The following PLG variants were observed in gnomAD, a reference collection of about 807,000 sequenced individuals.
The protein encoded by PLG is plasmin.
Under a neutral mutation model 104.4 loss-of-function variants are expected in PLG, and 41 were observed. That is an observed-to-expected ratio of 0.39 (90% CI 0.31 to 0.51). PLG has a LOEUF of 0.51. PLG is among the 20% of genes least tolerant of loss of function. The pLI, the probability that PLG is intolerant of heterozygous loss-of-function variation, is 0.76. For missense variants in PLG, 891 were observed against 1,003.6 expected (o/e 0.89, Z 1.52); for synonymous variants, 337 against 357.1 (o/e 0.94, Z 0.63).
chr6:160,730,723 ACCTGTTATT>A lies in PLG; in HGVS notation c.1257-323_1257-315del, dbSNP rs543993532. 7.0e-4 allele frequency: 204 copies of A among 292,052 alleles called. 2 individuals carry two copies. In the East Asian group the frequency reaches 0.015, roughly 21 times the overall value. 18.1% of individuals were successfully genotyped at this position (292,052 alleles called of 1,614,324 possible). A position where few individuals can be genotyped will look rare whatever the true frequency, so the allele number is the denominator to read the frequency against. ...ATAAAATATGCACTTTAAAATCTGT[ACCTGTTATT>A]CCTGAGAAATGTATTTGGCAGAAGG... On this transcript the variant is annotated intron_variant, in intron 10 of 18. Transcript: ENST00000308192.
Position 160,732,120 on chromosome 6 carries a change from G to T in PLG, c.1587+227G>T, listed in dbSNP as rs954744213. Among the ~76,000 whole-genome samples, 3 of 152,148 alleles carry T rather than the reference G, an allele frequency of 2.0e-5. No homozygotes were observed. Among genetic ancestry groups the T allele is most frequent in the African/African-American group, 7.2e-5 (3 of 41,422 alleles). ...CCAGGAAACCTCCACACATGTGAGG[G>T]TTCTCAGGCCTCTTCCCTTTAGTGA... is the stretch of plus-strand genomic sequence containing the variant. On this transcript the variant is annotated intron_variant, in intron 12 of 18. Coordinates refer to ENST00000308192, the MANE Select transcript of PLG (RefSeq NM_000301.5). This position sits in a 1 kb window ranked among gnomAD's most constrained non-coding sequence, Gnocchi z 4.5.
At position 160,732,763 on chromosome 6, in the gene PLG, G is replaced by A. The variant is rs577145839; in HGVS notation, c.1587+870G>A. On this transcript the variant is annotated intron_variant, in intron 12 of 18. Transcript: ENST00000308192. This position sits in a 1 kb window ranked among gnomAD's most constrained non-coding sequence, Gnocchi z 4.5. ...TGGTGAACAGCCAGACAGAAGAGATGCACGGGGCAAGGCATGTGAGAAGGG... is the reference window on the plus strand; with the variant it reads ...TGGTGAACAGCCAGACAGAAGAGATACACGGGGCAAGGCATGTGAGAAGGG... Among the ~76,000 whole-genome samples the A allele has an allele frequency of 6.8e-4, 103 of 152,290 alleles. No homozygotes were observed. The highest frequency in any genetic ancestry group is 1.7e-3 in the South Asian group (8 of 4,820).
intron 6 of PLG, among the ~76,000 whole-genome samples, chr6:160,716,015 C>A (rs891579356): frequency 6.6e-6 from 1 of 152,206 alleles, no homozygotes; most frequent in South Asian, 2.1e-4. Context: ...ATGGTGAGAC[C>A]CTTGCAAGAG....
chr6:160,709,985 G>C (rs530722085), intron 3 of PLG, among the ~76,000 whole-genome samples: 1 of 152,160 alleles, frequency 6.6e-6, no homozygotes, highest in Admixed American at 6.5e-5. Context: ...TTTCTTCTTC[G>C]AATATGGGGT....
rs995646088 is a variant in PLG, at chr6:160,734,322, A to G, written c.1681+234A>G. 6.6e-6 allele frequency among the ~76,000 whole-genome samples: 1 copy of G among 152,118 alleles called. No homozygotes were observed. The highest frequency in any genetic ancestry group is 2.1e-4 in the South Asian group (1 of 4,816). On this transcript the variant is annotated intron_variant, in intron 13 of 18. Transcript: ENST00000308192. This position sits in a 1 kb window ranked among gnomAD's most constrained non-coding sequence, Gnocchi z 4.4. ...AAATAAAATAAATGTAAAATTCCCAAAGAGCAAGCTTAGAGGTAATCTAGT... is the reference window on the plus strand; with the variant it reads ...AAATAAAATAAATGTAAAATTCCCAGAGAGCAAGCTTAGAGGTAATCTAGT...
At chr6:160,716,314 G>A (rs150387972) in intron 6 of PLG, among the ~76,000 whole-genome samples, 1 of 152,264 alleles carries the variant, frequency 6.6e-6, no homozygotes, top group Non-Finnish European at 1.5e-5. Context: ...ACAGTGCTTG[G>A]CAGCCGGGCA....
Position 160,738,444 on chromosome 6 carries a change from C to A in PLG, c.1803-94C>A. The A allele has an allele frequency of 2.3e-6, 2 of 851,122 alleles. No individual in the cohort carries two copies. The highest frequency in any genetic ancestry group is 2.7e-5 in the South Asian group (2 of 74,922). The allele number at this position is 851,122 out of a possible 1,614,324, so 52.7% of individuals were successfully genotyped here. ...TTTCCTTTGGGAATATGAACATGGT[C>A]AAAATTAAGTGAACGTGTCTTTCTG... On this transcript the variant is annotated intron_variant, in intron 14 of 18. Transcript: ENST00000308192. The surrounding 1 kb of genome is among the most constrained non-coding windows in gnomAD (Gnocchi z 6.8).
chr6:160,704,612 A>C (rs1470491255), intron 1 of PLG, among the ~76,000 whole-genome samples: 1 of 152,240 alleles, frequency 6.6e-6, no homozygotes, highest in African/African-American at 2.4e-5. Flanking sequence ...ATATGGGCCT[A>C]AAGCATCTAT....
At position 160,735,512 on chromosome 6, in the gene PLG, C is replaced by T. The variant is rs1365933400; in HGVS notation, c.1682-1375C>T. 1.3e-5 allele frequency among the ~76,000 whole-genome samples: 2 copies of T among 152,198 alleles called. No homozygotes were observed. Among genetic ancestry groups the T allele is most frequent in the Non-Finnish European group, 2.9e-5 (2 of 68,038 alleles). The stretch of plus-strand genomic sequence containing the variant: ...TCCCAAAGGACTGTGAGGTCCCCCA[C>T]CTAACCTTGATGTGAGACAAGTGAG... On this transcript the variant is annotated intron_variant, in intron 13 of 18. Coordinates refer to ENST00000308192, the MANE Select transcript of PLG (RefSeq NM_000301.5). The surrounding 1 kb of genome is among the most constrained non-coding windows in gnomAD (Gnocchi z 5.4).
rs1343185779 is a variant in PLG, at chr6:160,716,637, C to T, written c.669-8C>T. ...TCAGTGCTACTAAAATCTTTCTTGT[C>T]CATTCAGATTTCCAAACAAGAACCT... is the stretch of plus-strand genomic sequence containing the variant. On this transcript the variant is annotated splice_polypyrimidine_tract_variant and splice_region_variant and intron_variant, in intron 6 of 18. Coordinates refer to ENST00000308192, the MANE Select transcript of PLG (RefSeq NM_000301.5). 1.3e-6 allele frequency: 2 copies of T among 1,481,594 alleles called. No individual in the cohort carries two copies. Among genetic ancestry groups the T allele is most frequent in the South Asian group, 2.3e-5 (2 of 88,284 alleles). The allele number at this position is 1,481,594 out of a possible 1,614,324, so 91.8% of individuals were successfully genotyped here. A position where few individuals can be genotyped will look rare whatever the true frequency, so the allele number is the denominator to read the frequency against.
At chr6:160,733,711 G>A (rs1582945439) in intron 12 of PLG, among the ~76,000 whole-genome samples, 1 of 151,778 alleles carries the variant, frequency 6.6e-6, no homozygotes, top group Non-Finnish European at 1.5e-5. Flanking sequence ...AGGTGTGGTG[G>A]CGTGCACCTG....
At chr6:160,733,922 G>A (rs916383545) in intron 12 of PLG, 73 bp from the exon 13 acceptor site, 6 of 766,552 alleles carry the variant, frequency 7.8e-6, no homozygotes, top group Middle Eastern at 4.7e-4. Flanking sequence ...GACATGAAAT[G>A]CGTGAGCCTT....
intron 3 of PLG, among the ~76,000 whole-genome samples, chr6:160,710,615 G>T (rs1195959253): frequency 6.6e-6 from 1 of 152,192 alleles, no homozygotes; most frequent in Non-Finnish European, 1.5e-5. Flanking sequence ...AGAAATAGAA[G>T]TGGGTTGGAT....
Position 160,738,655 on chromosome 6 carries a change from C to T in PLG, c.1877+43C>T. 8.0e-7 allele frequency: 1 copy of T among 1,245,684 alleles called. No homozygotes were observed. Among genetic ancestry groups the T allele is most frequent in the Non-Finnish European group, 1.2e-6 (1 of 843,662 alleles). The allele number at this position is 1,245,684 out of a possible 1,614,324, so 77.2% of individuals were successfully genotyped here. A position where few individuals can be genotyped will look rare whatever the true frequency, so the allele number is the denominator to read the frequency against. On this transcript the variant is annotated intron_variant, in intron 15 of 18. Coordinates refer to ENST00000308192, the MANE Select transcript of PLG (RefSeq NM_000301.5). This position sits in a 1 kb window ranked among gnomAD's most constrained non-coding sequence, Gnocchi z 6.8. ...TTGACATGAAGTCTTGTCTTAAATACTTTTTCTGTCCTTCTTTTCCTCCTT... is the reference window on the plus strand; with the variant it reads ...TTGACATGAAGTCTTGTCTTAAATATTTTTTCTGTCCTTCTTTTCCTCCTT...
chr6:160,729,923 T>C (rs184750704), intron 10 of PLG, among the ~76,000 whole-genome samples: 12 of 152,358 alleles, frequency 7.9e-5, no homozygotes, highest in Admixed American at 7.8e-4. Context: ...CTGTTTCAAA[T>C]GCTCAGCCTT....
At chr6:160,705,922 C>T (rs1300151781) in intron 1 of PLG, 1 of 169,200 alleles carries the variant, frequency 5.9e-6, no homozygotes, top group African/African-American at 2.4e-5. Context: ...AATATGGTAA[C>T]ATAGTAGTGG....
Position 160,713,031 on chromosome 6 carries a change from C to T in PLG, c.453C>T (p.Tyr151=). The T allele has an allele frequency of 1.2e-6, 2 of 1,609,116 alleles. No individual in the cohort carries two copies. The highest frequency in any genetic ancestry group is 1.7e-6 in the Non-Finnish European group (2 of 1,177,224). ...THPSEGLEEN[Y]CRNPDNDPQG... ...CCTCAGAGGGACTGGAGGAGAACTA[C>T]TGCAGGAATCCAGACAACGATCCGC... Residue 151 remains tyrosine (Y), a synonymous_variant, in exon 5 of 19, where the codon TAC becomes TAT. Coordinates refer to ENST00000308192, the MANE Select transcript of PLG (RefSeq NM_000301.5).
chr6:160,706,611 T>G lies in PLG; in HGVS notation c.185+69T>G, dbSNP rs764700462. On this transcript the variant is annotated intron_variant, in intron 2 of 18. Transcript: ENST00000308192. ...GATGGCAAGTAATTTACTCACAAAT[T>G]TATTAATGATTTAAGAGGAAAGAGA... The G allele has an allele frequency of 1.7e-5, 25 of 1,454,296 alleles. 1 individual carries two copies. The Admixed American group carries it at 4.3e-4, about 25-fold the overall frequency. 90.1% of individuals were successfully genotyped at this position (1,454,296 alleles called of 1,614,324 possible). A position where few individuals can be genotyped will look rare whatever the true frequency, so the allele number is the denominator to read the frequency against.
intron 4 of PLG, 95 bp from the exon 5 acceptor site, chr6:160,712,891 T>A (rs1777668398): frequency 8.6e-6 from 8 of 932,082 alleles, no homozygotes; most frequent in Non-Finnish European, 1.4e-5. Flanking sequence ...TGGATGACAA[T>A]CTCAGATGGG....
Sources: gnomAD v4.1 joint callset for allele counts (sites outside exome capture counted in the v4.1 genomes callset) on GRCh38, gnomAD v4.1.1 for gene constraint, Gnocchi (gnomAD v3.1) non-coding constraint, MANE v1.5 for transcripts, NCBI Gene and HGNC (gene_info 2026-07-23, HGNC 2026-07-21) for gene names.